Variants in CCSER1 observed in about 807,000 individuals in gnomAD.
CCSER1 encodes the protein coiled-coil serine rich protein 1, also known as serine-rich coiled-coil domain-containing protein 1.
A neutral mutation model predicts 82.0 loss-of-function variants in CCSER1; 41 were observed. That is an observed-to-expected ratio of 0.50 (90% confidence interval 0.39 to 0.65). The LOEUF (loss-of-function observed/expected upper bound fraction) is 0.65, where lower values mean the gene tolerates loss of function less well. Among genes scored for constraint, CCSER1 ranks in the 30% least tolerant of loss-of-function variants. The pLI is 0.00. For synonymous variants in CCSER1, 414 were observed against 383.9 expected (o/e 1.08, Z -0.92); for missense variants, 1,119 against 1,064.2 (o/e 1.05, Z -0.72).
intron 5 of CCSER1, among the ~76,000 whole-genome samples, chr4:90,603,990 GAGAA>G (rs34548814): frequency 0.088 from 13,406 of 151,946 alleles, 766 homozygotes; most frequent in East Asian, 0.17. Flanking sequence ...TTGAACCATC[GAGAA>G]AGAAAGAAGA....
chr4:90,271,312 A>G (rs1343524249), intron 1 of CCSER1, among the ~76,000 whole-genome samples: 1 of 152,122 alleles, frequency 6.6e-6, no homozygotes, highest in Non-Finnish European at 1.5e-5. Context: ...ATGGAGCATA[A>G]TTGAGAAACC....
At chr4:91,267,694 G>A (rs1741711326) in intron 10 of CCSER1, among the ~76,000 whole-genome samples, 1 of 152,036 alleles carries the variant, frequency 6.6e-6, no homozygotes. Flanking sequence ...CACTTCAAAG[G>A]GATATAATAA....
intron 8 of CCSER1, among the ~76,000 whole-genome samples, chr4:90,922,876 G>A (rs558101731): frequency 1.2e-4 from 19 of 152,154 alleles, no homozygotes; most frequent in East Asian, 3.9e-4. Context: ...TCACAGGGTC[G>A]GATTTGTGTC....
At chr4:91,549,816 C>T (rs1762073821) in intron 10 of CCSER1, among the ~76,000 whole-genome samples, 1 of 151,974 alleles carries the variant, frequency 6.6e-6, no homozygotes, top group Admixed American at 6.6e-5. Flanking sequence ...ACCTGGGCAA[C>T]AGAGCCAGAC....
At chr4:90,279,806 A>G (rs534283507) in intron 1 of CCSER1, among the ~76,000 whole-genome samples, 9 of 152,016 alleles carry the variant, frequency 5.9e-5, no homozygotes, top group Non-Finnish European at 8.8e-5. Flanking sequence ...GTGATTTTCT[A>G]TTTGAACTAG....
intron 10 of CCSER1, among the ~76,000 whole-genome samples, chr4:91,379,617 A>G (rs539971167): frequency 6.6e-6 from 1 of 151,944 alleles, no homozygotes; most frequent in Non-Finnish European, 1.5e-5. Context: ...ATCATTTTTT[A>G]TTGCATCTAC....
intron 9 of CCSER1, among the ~76,000 whole-genome samples, chr4:91,003,767 A>G (rs894668426): frequency 2.0e-5 from 3 of 152,272 alleles, no homozygotes; most frequent in Admixed American, 1.3e-4. Flanking sequence ...ATTGTTAAAA[A>G]AAAGTTCGAC....
intron 5 of CCSER1, among the ~76,000 whole-genome samples, chr4:90,536,999 C>T (rs1051474340): frequency 6.6e-6 from 1 of 152,152 alleles, no homozygotes; most frequent in Non-Finnish European, 1.5e-5. Context: ...ATCTGATTAT[C>T]TCATCTTAGT....
intron 10 of CCSER1, among the ~76,000 whole-genome samples, chr4:91,522,375 C>T (rs1760523677): frequency 6.6e-6 from 1 of 151,942 alleles, no homozygotes; most frequent in South Asian, 2.1e-4. Flanking sequence ...TATTTTGGTT[C>T]CATATGAATG....
At chr4:91,536,266 A>G (rs549320982) in intron 10 of CCSER1, among the ~76,000 whole-genome samples, 1 of 152,252 alleles carries the variant, frequency 6.6e-6, no homozygotes, top group African/African-American at 2.4e-5. Flanking sequence ...GAATACAAGA[A>G]ATATTTATTG....
At chr4:90,193,563 A>T (rs1181422685) in intron 1 of CCSER1, among the ~76,000 whole-genome samples, 3 of 148,600 alleles carry the variant, frequency 2.0e-5, no homozygotes, top group African/African-American at 5.0e-5. Flanking sequence ...TTATTACTTC[A>T]CTTGAGCACC....
At chr4:90,994,601 TA>T (rs11290042) in intron 9 of CCSER1, among the ~76,000 whole-genome samples, 86,827 of 151,800 alleles carry the variant, frequency 0.57, 25,126 homozygotes, top group East Asian at 0.8. Context: ...TTCCATTTTT[TA>T]AAAAAACTGA....
At chr4:91,174,540 A>C (rs1238270511) in intron 10 of CCSER1, among the ~76,000 whole-genome samples, 2 of 152,114 alleles carry the variant, frequency 1.3e-5, no homozygotes. Context: ...GCTTTGCTGC[A>C]CCCATCAACC....
At chr4:90,374,625 G>A (rs1414715285) in intron 3 of CCSER1, among the ~76,000 whole-genome samples, 1 of 152,030 alleles carries the variant, frequency 6.6e-6, no homozygotes, top group Non-Finnish European at 1.5e-5. Flanking sequence ...CTACTGATGA[G>A]GAATTACACA....
chr4:90,199,737 T>G (rs556397449), intron 1 of CCSER1, among the ~76,000 whole-genome samples: 2 of 152,180 alleles, frequency 1.3e-5, no homozygotes, highest in South Asian at 2.1e-4. Context: ...AATTAGTGGG[T>G]TTGGGTTACA....
intron 1 of CCSER1, among the ~76,000 whole-genome samples, chr4:90,183,908 A>C (rs1432826358): frequency 1.3e-5 from 2 of 152,154 alleles, no homozygotes; most frequent in Non-Finnish European, 2.9e-5. Flanking sequence ...TGTCAGCTAA[A>C]GGTGGACAAA....
intron 10 of CCSER1, among the ~76,000 whole-genome samples, chr4:91,464,441 T>C (rs961285996): frequency 1.3e-5 from 2 of 152,054 alleles, no homozygotes; most frequent in Non-Finnish European, 2.9e-5. Context: ...AGAAACTGCA[T>C]CAACTGACAA....
intron 3 of CCSER1, among the ~76,000 whole-genome samples, chr4:90,381,459 T>C (rs561180861): frequency 1.3e-5 from 2 of 152,282 alleles, no homozygotes; most frequent in East Asian, 3.9e-4. Context: ...TGAATACATA[T>C]ATATTTTATA....
intron 3 of CCSER1, among the ~76,000 whole-genome samples, chr4:90,388,903 T>G (rs1267945957): frequency 6.6e-6 from 1 of 152,234 alleles, no homozygotes; most frequent in East Asian, 1.9e-4. Flanking sequence ...CCCAAAGTGC[T>G]GGGAGTACAG....
Sources: gnomAD v4.1 joint callset for allele counts (sites outside exome capture counted in the v4.1 genomes callset) on GRCh38, gnomAD v4.1.1 for gene constraint, MANE v1.5 for transcripts, NCBI Gene and HGNC (gene_info 2026-07-23, HGNC 2026-07-21) for gene names.